Variants in ZBTB8A observed in about 807,000 individuals in gnomAD.
ZBTB8A encodes zinc finger and BTB domain containing 8A.
Under a neutral mutation model 37.8 loss-of-function variants are expected in ZBTB8A, and 19 were observed. The ratio of observed to expected loss-of-function variants is 0.50; its 90% CI spans 0.35 to 0.74. ZBTB8A has a LOEUF of 0.74. Ranked by LOEUF, ZBTB8A falls within the 30% of genes least tolerant of loss-of-function variation. The probability of loss-of-function intolerance (pLI) is 0.01; values close to 1 mark genes in which losing one functional copy is unlikely to be tolerated. For missense variants in ZBTB8A, 394 were observed against 537.8 expected (o/e 0.73, Z 2.65); for synonymous variants, 181 against 185.2 (o/e 0.98, Z 0.19).
chr1:32,554,991 T>A (rs761850759), intron 2 of ZBTB8A, among the ~76,000 whole-genome samples: 1 of 152,174 alleles, frequency 6.6e-6, no homozygotes, highest in Non-Finnish European at 1.5e-5. Flanking sequence ...TAATGCTAAT[T>A]TAGTGGTAGA....
At chr1:32,596,975 A>C (rs1175437168) in intron 4 of ZBTB8A, among the ~76,000 whole-genome samples, 1 of 151,918 alleles carries the variant, frequency 6.6e-6, no homozygotes, top group Non-Finnish European at 1.5e-5. Flanking sequence ...GCGGCTGTCC[A>C]ACCAAAGGAG....
chr1:32,584,074 T>G (rs1405301505), intron 2 of ZBTB8A, among the ~76,000 whole-genome samples: 2 of 152,042 alleles, frequency 1.3e-5, no homozygotes, highest in Non-Finnish European at 1.5e-5. Context: ...GAGAGAATAC[T>G]TTGTAAAGAT....
At chr1:32,577,586 C>CTTTTTTTTTTTTTTTTT in intron 2 of ZBTB8A, among the ~76,000 whole-genome samples, 1 of 86,762 alleles carries the variant, frequency 1.2e-5, no homozygotes, top group Non-Finnish European at 2.2e-5. Context: ...ATATTGTATT[C>CTTTTTTTTTTTTTTTTT]TTTTTTTTTT....
At chr1:32,558,520 T>A (rs992625448) in intron 2 of ZBTB8A, among the ~76,000 whole-genome samples, 1 of 151,770 alleles carries the variant, frequency 6.6e-6, no homozygotes, top group African/African-American at 2.4e-5. Context: ...TGGGAAGATA[T>A]CCTGAGAGTA....
intron 2 of ZBTB8A, among the ~76,000 whole-genome samples, chr1:32,564,655 A>G (rs1644266043): frequency 6.6e-6 from 1 of 152,118 alleles, no homozygotes; most frequent in South Asian, 2.1e-4. Flanking sequence ...TCAATAGCAA[A>G]ATATACCTAA....
intron 2 of ZBTB8A, among the ~76,000 whole-genome samples, chr1:32,587,242 A>T (rs745522183): frequency 1.3e-4 from 20 of 152,084 alleles, no homozygotes; most frequent in Non-Finnish European, 2.6e-4. Context: ...TCCATCTCAG[A>T]TAAATAGCCT....
At chr1:32,581,567 G>A (rs1003117093) in intron 2 of ZBTB8A, among the ~76,000 whole-genome samples, 1 of 151,570 alleles carries the variant, frequency 6.6e-6, no homozygotes, top group Non-Finnish European at 1.5e-5. Flanking sequence ...GGCCAGGCTG[G>A]TCTCAAACTC....
Position 32,567,825 on chromosome 1 carries a change from A to AAAAAAAAAC in ZBTB8A, c.-2+14289_-2+14290insAAAACAAAA, listed in dbSNP as rs1644294123. On this transcript the variant is annotated intron_variant, in intron 2 of 4. Transcript: ENST00000373510. ...AAAAAAAAAAAAAAAAAAAAAAAAC[A>AAAAAAAAAC]AAAACAAAACAAAACAAAAAAAAGA... Among the ~76,000 whole-genome samples the AAAAAAAAAC allele has an allele frequency of 6.3e-5, 4 of 63,692 alleles. 1 individual carries two copies. The highest frequency in any genetic ancestry group is 1.1e-3 in the East Asian group (2 of 1,824). 41.8% of individuals were successfully genotyped at this position (63,692 alleles called of 152,430 possible). A position where few individuals can be genotyped will look rare whatever the true frequency, so the allele number is the denominator to read the frequency against.
chr1:32,579,375 C>T (rs368145471), intron 2 of ZBTB8A, among the ~76,000 whole-genome samples: 7 of 150,998 alleles, frequency 4.6e-5, no homozygotes, highest in Admixed American at 6.6e-5. Context: ...CACTTCAACC[C>T]GGGAGGCGGA....
intron 2 of ZBTB8A, among the ~76,000 whole-genome samples, chr1:32,591,651 G>T (rs1429479194): frequency 6.6e-6 from 1 of 152,118 alleles, no homozygotes; most frequent in African/African-American, 2.4e-5. Flanking sequence ...AGTGGCTCAT[G>T]CCTGTAATCC....
chr1:32,578,715 T>G (rs953506108), intron 2 of ZBTB8A, among the ~76,000 whole-genome samples: 15 of 151,974 alleles, frequency 9.9e-5, no homozygotes, highest in Admixed American at 9.2e-4. Flanking sequence ...TATTTATTTA[T>G]TTATGGAGAC....
intron 1 of ZBTB8A, among the ~76,000 whole-genome samples, chr1:32,549,823 T>C (rs1246854085): frequency 6.6e-6 from 1 of 152,214 alleles, no homozygotes; most frequent in Non-Finnish European, 1.5e-5. Context: ...TTCACCATGT[T>C]TGTCTTTTGA....
At chr1:32,576,854 C>G (rs2148236955) in intron 2 of ZBTB8A, among the ~76,000 whole-genome samples, 1 of 151,218 alleles carries the variant, frequency 6.6e-6, no homozygotes, top group Admixed American at 6.6e-5. Context: ...CGTGAGCCAC[C>G]ATGCACAGAC....
At chr1:32,591,646 C>T (rs1644490613) in intron 2 of ZBTB8A, among the ~76,000 whole-genome samples, 3 of 152,080 alleles carry the variant, frequency 2.0e-5, no homozygotes, top group South Asian at 2.1e-4. Context: ...GATGCAGTGG[C>T]TCATGCCTGT....
rs943109007 is a variant in ZBTB8A, at chr1:32,605,825, T to C, written c.*5406T>C. ...AGACCATCAGCCTAATTCACTGAGGTGTGTTGTGTATCACTCTATTTTATA... is the reference window on the plus strand; with the variant it reads ...AGACCATCAGCCTAATTCACTGAGGCGTGTTGTGTATCACTCTATTTTATA... On this transcript the variant is annotated 3_prime_UTR_variant, in exon 5 of 5. Coordinates refer to ENST00000373510, the MANE Select transcript of ZBTB8A (RefSeq NM_001040441.3). 6.6e-6 allele frequency: 1 copy of C among 150,828 alleles called. No individual in the cohort carries two copies. The highest frequency in any genetic ancestry group is 1.5e-5 in the Non-Finnish European group (1 of 67,854). 9.3% of individuals were successfully genotyped at this position (150,828 alleles called of 1,614,324 possible). A position where few individuals can be genotyped will look rare whatever the true frequency, so the allele number is the denominator to read the frequency against.
At chr1:32,555,006 G>C (rs765333353) in intron 2 of ZBTB8A, among the ~76,000 whole-genome samples, 8 of 152,176 alleles carry the variant, frequency 5.3e-5, no homozygotes, top group Non-Finnish European at 1.0e-4. Flanking sequence ...GGTAGAACCA[G>C]TGTCAGAATT....
chr1:32,567,514 G>A (rs1644289225), intron 2 of ZBTB8A, among the ~76,000 whole-genome samples: 1 of 151,930 alleles, frequency 6.6e-6, no homozygotes, highest in Non-Finnish European at 1.5e-5. Context: ...TGTAATTTAG[G>A]CTGGGCATGG....
chr1:32,582,263 G>A (rs753567555), intron 2 of ZBTB8A, among the ~76,000 whole-genome samples: 1 of 151,930 alleles, frequency 6.6e-6, no homozygotes, highest in Non-Finnish European at 1.5e-5. Flanking sequence ...TTCCAATTAG[G>A]GATGCTGAAC....
Position 32,601,484 on chromosome 1 carries a change from A to AGG in ZBTB8A, c.*1066_*1067dup, listed in dbSNP as rs1052082688. 1 of 394,084 alleles carries AGG rather than the reference A, an allele frequency of 2.5e-6. No individual in the cohort carries two copies. Among genetic ancestry groups the AGG allele is most frequent in the African/African-American group, 2.1e-5 (1 of 48,518 alleles). 24.4% of individuals were successfully genotyped at this position (394,084 alleles called of 1,614,324 possible). A position where few individuals can be genotyped will look rare whatever the true frequency, so the allele number is the denominator to read the frequency against. ...AGCGAAACTCCGTCTCAAAAAAAAA[A>AGG]GGAAAACAAACTAGGAGGTTCTTAC... On this transcript the variant is annotated 3_prime_UTR_variant, in exon 5 of 5. Coordinates refer to ENST00000373510, the MANE Select transcript of ZBTB8A (RefSeq NM_001040441.3).
Sources: gnomAD v4.1 joint callset for allele counts (sites outside exome capture counted in the v4.1 genomes callset) on GRCh38, gnomAD v4.1.1 for gene constraint, MANE v1.5 for transcripts, NCBI Gene and HGNC (gene_info 2026-07-23, HGNC 2026-07-21) for gene names.